GRIP1: variants seen among roughly 807,000 people sequenced by gnomAD.
GRIP1 encodes glutamate receptor interacting protein 1.
In GRIP1, 45 loss-of-function variants were observed where a neutral mutation model predicts 129.9. That is an observed-to-expected ratio of 0.35 (90% CI 0.27 to 0.44). The LOEUF is 0.44. GRIP1 is among the 20% of genes least tolerant of loss of function. GRIP1 has a pLI of 1.00. For missense variants in GRIP1, 1,196 were observed against 1,396.8 expected (o/e 0.86, Z 2.29); for synonymous variants, 530 against 520.8 (o/e 1.02, Z -0.24).
At chr12:66,583,017 C>T (rs1285635697) in intron 2 of GRIP1, among the ~76,000 whole-genome samples, 5 of 151,520 alleles carry the variant, frequency 3.3e-5, no homozygotes, top group East Asian at 3.9e-4. Context: ...CACTACAAGG[C>T]TACAGTAACC....
At chr12:66,703,804 C>T (rs569656691) in intron 1 of GRIP1, among the ~76,000 whole-genome samples, 19 of 152,134 alleles carry the variant, frequency 1.2e-4, no homozygotes, top group African/African-American at 4.6e-4. Flanking sequence ...GCCTACTAGA[C>T]ATTAAGATAT....
At chr12:66,930,263 C>G (rs1367331659) in intron 1 of GRIP1, among the ~76,000 whole-genome samples, 2 of 115,810 alleles carry the variant, frequency 1.7e-5, no homozygotes, top group Non-Finnish European at 3.5e-5. Flanking sequence ...CCCCTCCCCC[C>G]ACCCCACAAC....
At chr12:66,775,905 C>T (rs910057027) in intron 1 of GRIP1, among the ~76,000 whole-genome samples, 18 of 152,110 alleles carry the variant, frequency 1.2e-4, no homozygotes, top group Non-Finnish European at 1.0e-4. Context: ...CTTCTCAAAA[C>T]GCTTAATATG....
chr12:66,977,098 G>A (rs2042163504), intron 1 of GRIP1, among the ~76,000 whole-genome samples: 1 of 151,976 alleles, frequency 6.6e-6, no homozygotes, highest in African/African-American at 2.4e-5. Flanking sequence ...GAACATCAAT[G>A]GATAGCTCCC....
chr12:67,009,836 A>G (rs1329452124), intron 1 of GRIP1, among the ~76,000 whole-genome samples: 2 of 152,208 alleles, frequency 1.3e-5, no homozygotes, highest in African/African-American at 4.8e-5. Flanking sequence ...CTGCATTTGG[A>G]GTCCACACTG....
At chr12:66,501,490 C>T (rs980961001) in intron 7 of GRIP1, among the ~76,000 whole-genome samples, 1 of 152,038 alleles carries the variant, frequency 6.6e-6, no homozygotes. Flanking sequence ...AATTAGTATA[C>T]AATCACAGAG....
chr12:67,033,679 T>C (rs1383400535), intron 1 of GRIP1, among the ~76,000 whole-genome samples: 1 of 152,166 alleles, frequency 6.6e-6, no homozygotes, highest in African/African-American at 2.4e-5. Flanking sequence ...CTCCAAGTCC[T>C]GGTACCAAGT....
chr12:66,802,789 A>G (rs1475110520), intron 1 of GRIP1, among the ~76,000 whole-genome samples: 1 of 152,170 alleles, frequency 6.6e-6, no homozygotes, highest in Non-Finnish European at 1.5e-5. Flanking sequence ...ATATTTTTTG[A>G]TGTGACATAA....
At chr12:66,677,539 G>T (rs770725907) in intron 1 of GRIP1, among the ~76,000 whole-genome samples, 4 of 152,134 alleles carry the variant, frequency 2.6e-5, no homozygotes, top group Admixed American at 2.6e-4. Context: ...GAAATTGTAC[G>T]TCTGTACCAA....
At position 66,583,714 on chromosome 12, in the gene GRIP1, T is replaced by C. The variant is rs2063498229; in HGVS notation, c.136+13133A>G. On this transcript the variant is annotated intron_variant, in intron 2 of 24. Coordinates refer to ENST00000359742, the MANE Select transcript of GRIP1 (RefSeq NM_001366722.1). ...AAATCAAAACCACAGTGATATACCA[T>C]CTCACACCAGTTGGAATGGCAATCA... Among the ~76,000 whole-genome samples, 3 of 138,630 alleles carry C rather than the reference T, an allele frequency of 2.2e-5. 1 individual carries two copies. The Admixed American group carries it at 2.2e-4, about 10-fold the overall frequency. The allele number at this position is 138,630 out of a possible 152,430, so 90.9% of individuals were successfully genotyped here.
At chr12:66,358,335 C>G (rs550966993) in intron 23 of GRIP1, among the ~76,000 whole-genome samples, 3 of 152,160 alleles carry the variant, frequency 2.0e-5, no homozygotes, top group Non-Finnish European at 4.4e-5. Context: ...CTTTACTTTC[C>G]GGCACAAAAT....
At chr12:67,066,023 T>C (rs1033637265) in intron 1 of GRIP1, among the ~76,000 whole-genome samples, 4 of 152,164 alleles carry the variant, frequency 2.6e-5, no homozygotes, top group African/African-American at 9.7e-5. Flanking sequence ...GATGGAGAAA[T>C]GTGTTCTGAA....
chr12:66,655,904 T>C (rs1453777256), intron 1 of GRIP1, among the ~76,000 whole-genome samples: 1 of 152,164 alleles, frequency 6.6e-6, no homozygotes, highest in Non-Finnish European at 1.5e-5. Context: ...TGGCCTTCTG[T>C]ACTTTTATGC....
At chr12:66,762,212 A>C (rs1242787527) in intron 1 of GRIP1, among the ~76,000 whole-genome samples, 2 of 152,194 alleles carry the variant, frequency 1.3e-5, no homozygotes, top group Non-Finnish European at 2.9e-5. Flanking sequence ...ACACTTGCTC[A>C]GTATGAACTT....
chr12:66,484,610 G>A (rs2059902689), intron 7 of GRIP1, among the ~76,000 whole-genome samples: 1 of 152,244 alleles, frequency 6.6e-6, no homozygotes, highest in South Asian at 2.1e-4. Flanking sequence ...TCATTTATAT[G>A]TGGGAGCTAA....
At chr12:66,592,457 T>C (rs1024657792) in intron 2 of GRIP1, among the ~76,000 whole-genome samples, 2 of 152,204 alleles carry the variant, frequency 1.3e-5, no homozygotes, top group Non-Finnish European at 2.9e-5. Flanking sequence ...CAAACATTCA[T>C]GGCATTATTC....
At chr12:67,025,711 G>GAT (rs1239254917) in intron 1 of GRIP1, among the ~76,000 whole-genome samples, 42 of 152,230 alleles carry the variant, frequency 2.8e-4, no homozygotes, top group African/African-American at 8.4e-4. Flanking sequence ...ATGGTATCTT[G>GAT]GGTCATGACG....
chr12:67,035,805 T>C (rs1376230288), intron 1 of GRIP1: 1 of 152,190 alleles, frequency 6.6e-6, no homozygotes, highest in Non-Finnish European at 1.5e-5. Flanking sequence ...ACCTAGTCTT[T>C]ATATTCTACA....
At chr12:66,939,630 A>G (rs773236650) in intron 1 of GRIP1, among the ~76,000 whole-genome samples, 4 of 152,106 alleles carry the variant, frequency 2.6e-5, no homozygotes, top group Non-Finnish European at 5.9e-5. Flanking sequence ...CATTCAGCAT[A>G]ATTTTCATTC....
Sources: allele counts gnomAD v4.1 joint callset (sites outside exome capture counted in the v4.1 genomes callset), GRCh38; gene constraint gnomAD v4.1.1; transcripts MANE v1.5; gene names NCBI Gene and HGNC (gene_info 2026-07-23, HGNC 2026-07-21).